The following PTPRN2 variants were observed in gnomAD, a reference collection of about 807,000 sequenced individuals.
PTPRN2 encodes protein tyrosine phosphatase receptor type N2, also known as receptor-type tyrosine-protein phosphatase N2.
A neutral mutation model predicts 118.8 loss-of-function variants in PTPRN2; 74 were observed. That is an observed-to-expected ratio of 0.62 (90% CI 0.52 to 0.76). The LOEUF (loss-of-function observed/expected upper bound fraction) is 0.76. PTPRN2 is among the 30% of genes least tolerant of loss of function. PTPRN2 has a pLI of 0.00. For synonymous variants in PTPRN2, 641 were observed against 608.0 expected (o/e 1.05, Z -0.80); for missense variants, 1,481 against 1,394.4 (o/e 1.06, Z -0.99).
At chr7:158,480,375 G>A (rs1329891301) in intron 2 of PTPRN2, among the ~76,000 whole-genome samples, 8 of 152,136 alleles carry the variant, frequency 5.3e-5, no homozygotes, top group Non-Finnish European at 8.8e-5. Context: ...TTCTGACTGC[G>A]TAACTGACCA....
chr7:157,674,830 G>C lies in PTPRN2; in HGVS notation c.2001+7895C>G, dbSNP rs528739228. 6.6e-6 allele frequency among the ~76,000 whole-genome samples: 1 copy of C among 152,212 alleles called. No individual in the cohort carries two copies. The highest frequency in any genetic ancestry group is 2.4e-5 in the African/African-American group (1 of 41,460). ...TGCCGGGCGTCTCCTCCCACGCCGA[G>C]CTCCTCCTGCCGGGGGGGTCTGCAC... On this transcript the variant is annotated intron_variant, in intron 13 of 22. Coordinates refer to ENST00000389418, the MANE Select transcript of PTPRN2 (RefSeq NM_002847.5). This position sits in a 1 kb window ranked among gnomAD's most constrained non-coding sequence, Gnocchi z 4.5.
chr7:158,390,425 C>T (rs781075373), intron 2 of PTPRN2, among the ~76,000 whole-genome samples: 2 of 152,218 alleles, frequency 1.3e-5, no homozygotes, highest in Admixed American at 6.5e-5. Context: ...AGCAGCCAGA[C>T]GGAGTTATGA....
At chr7:158,417,429 C>T (rs936991561) in intron 2 of PTPRN2, among the ~76,000 whole-genome samples, 3 of 150,250 alleles carry the variant, frequency 2.0e-5, no homozygotes, top group South Asian at 2.1e-4. Context: ...TGAACTACAT[C>T]GAGATGCTGT....
chr7:157,571,571 C>T (rs567099454), intron 19 of PTPRN2, 78 bp from the exon 20 acceptor site: 60 of 1,095,264 alleles, frequency 5.5e-5, no homozygotes, highest in South Asian at 2.0e-4. Context: ...TAAAACAAAG[C>T]GCAAGGTCTG....
At chr7:158,234,051 A>T (rs954482578) in intron 3 of PTPRN2, among the ~76,000 whole-genome samples, 1 of 152,228 alleles carries the variant, frequency 6.6e-6, no homozygotes, top group African/African-American at 2.4e-5. Context: ...ACTCCAGGAC[A>T]TTGATCAGGG....
At chr7:157,978,007 G>T (rs781283383) in intron 11 of PTPRN2, among the ~76,000 whole-genome samples, 3 of 151,920 alleles carry the variant, frequency 2.0e-5, no homozygotes, top group African/African-American at 7.2e-5. Flanking sequence ...CCTGTACGTC[G>T]CATGCACATC....
At chr7:158,373,753 A>G (rs1027416092) in intron 2 of PTPRN2, among the ~76,000 whole-genome samples, 6 of 152,246 alleles carry the variant, frequency 3.9e-5, no homozygotes, top group African/African-American at 1.4e-4. Context: ...AATAAATAGC[A>G]ACTGTTTCAG....
At chr7:157,726,206 G>A (rs1022263687) in intron 12 of PTPRN2, among the ~76,000 whole-genome samples, 4 of 132,690 alleles carry the variant, frequency 3.0e-5, no homozygotes, top group Non-Finnish European at 4.7e-5. Context: ...TCGCCTCCCA[G>A]GAGAACTGGA....
At chr7:158,095,118 AG>A (rs767055971) in intron 10 of PTPRN2, among the ~76,000 whole-genome samples, 4 of 151,928 alleles carry the variant, frequency 2.6e-5, no homozygotes, top group Non-Finnish European at 4.4e-5. Context: ...GCAGGAGGTG[AG>A]TCCTGAATAA....
At chr7:158,373,047 C>T (rs765497119) in intron 2 of PTPRN2, among the ~76,000 whole-genome samples, 3 of 152,202 alleles carry the variant, frequency 2.0e-5, no homozygotes, top group Non-Finnish European at 4.4e-5. Context: ...CAGGGCAGCA[C>T]GGCCGAAGGT....
chr7:157,576,786 G>C lies in PTPRN2; in HGVS notation c.2617-7C>G. The stretch of plus-strand genomic sequence containing the variant: ...GCTCGGAGACCAGGTTCACCTGGCA[G>C]GGAGGAGCGGAGGGAGGGGACAGAG... On this transcript the variant is annotated splice_polypyrimidine_tract_variant and splice_region_variant and intron_variant, in intron 18 of 22. Coordinates refer to ENST00000389418, the MANE Select transcript of PTPRN2 (RefSeq NM_002847.5). The C allele has an allele frequency of 6.3e-7, 1 of 1,592,834 alleles. No individual in the cohort carries two copies. The highest frequency in any genetic ancestry group is 8.6e-7 in the Non-Finnish European group (1 of 1,168,312).
intron 11 of PTPRN2, among the ~76,000 whole-genome samples, chr7:158,073,197 A>T (rs1298397160): frequency 6.6e-6 from 1 of 152,166 alleles, no homozygotes; most frequent in Non-Finnish European, 1.5e-5. Context: ...CTCTGCCCCT[A>T]CTGCTTCTGT....
chr7:157,757,688 C>A (rs1801876922), intron 12 of PTPRN2, among the ~76,000 whole-genome samples: 1 of 150,140 alleles, frequency 6.7e-6, no homozygotes, highest in Admixed American at 6.6e-5. Context: ...TTTTTTTAAA[C>A]CTCCCCCACC....
At chr7:157,672,339 A>G (rs1796457855) in intron 13 of PTPRN2, among the ~76,000 whole-genome samples, 1 of 152,130 alleles carries the variant, frequency 6.6e-6, no homozygotes, top group South Asian at 2.1e-4. Context: ...AACAATTTGT[A>G]TATTTGTTCT....
Position 158,270,770 on chromosome 7 carries a change from G to GGACCACCCC in PTPRN2, c.277+46048_277+46049insGGGGTGGTC, listed in dbSNP as rs1563067039. 2.5e-5 allele frequency among the ~76,000 whole-genome samples: 2 copies of GGACCACCCC among 78,614 alleles called. 1 individual carries two copies. The highest frequency in any genetic ancestry group is 2.6e-4 in the Admixed American group (2 of 7,652). The allele number at this position is 78,614 out of a possible 152,430, so 51.6% of individuals were successfully genotyped here. On this transcript the variant is annotated intron_variant, in intron 3 of 22. Transcript: ENST00000389418. Reference sequence around the variant, plus strand: ...CCGTCTTCTCCACCTGGACCACCCCGTCCACCTGGACCACCCCTCCACCTG... The same window carrying GGACCACCCC: ...CCGTCTTCTCCACCTGGACCACCCCGGACCACCCCTCCACCTGGACCACCCCTCCACCTG...
intron 1 of PTPRN2, among the ~76,000 whole-genome samples, chr7:158,495,264 T>G (rs1211257817): frequency 6.6e-6 from 1 of 152,164 alleles, no homozygotes; most frequent in Non-Finnish European, 1.5e-5. Context: ...TAAATCACAT[T>G]TTTTCCTAGG....
intron 3 of PTPRN2, among the ~76,000 whole-genome samples, chr7:158,257,672 A>G (rs1184597157): frequency 1.3e-5 from 2 of 152,220 alleles, no homozygotes; most frequent in Admixed American, 1.3e-4. Context: ...CCCACTGTAC[A>G]AAGGATCCAA....
chr7:157,955,290 A>G (rs1801112335), intron 11 of PTPRN2, among the ~76,000 whole-genome samples: 1 of 152,122 alleles, frequency 6.6e-6, no homozygotes, highest in South Asian at 2.1e-4. Context: ...AATTTGGTGG[A>G]GAAAAGCAAT....
chr7:158,050,781 C>T (rs1183184389), intron 11 of PTPRN2, among the ~76,000 whole-genome samples: 1 of 152,262 alleles, frequency 6.6e-6, no homozygotes, highest in Non-Finnish European at 1.5e-5. Context: ...AAGTACCTGC[C>T]TACCAAGAAA....
Sources: allele counts gnomAD v4.1 joint callset (sites outside exome capture counted in the v4.1 genomes callset), GRCh38; gene constraint gnomAD v4.1.1; non-coding constraint Gnocchi (gnomAD v3.1); transcripts MANE v1.5; gene names NCBI Gene and HGNC (gene_info 2026-07-23, HGNC 2026-07-21).